RGS7: variants seen among roughly 807,000 people sequenced by gnomAD.
The protein encoded by RGS7 is regulator of G protein signaling 7.
A neutral mutation model predicts 81.1 loss-of-function variants in RGS7; 27 were observed. The ratio of observed to expected loss-of-function variants is 0.33; its 90% CI spans 0.25 to 0.46. The LOEUF is 0.46. Among genes scored for constraint, RGS7 ranks in the 20% least tolerant of loss-of-function variants. RGS7 has a pLI of 1.00. For synonymous variants in RGS7, 208 were observed against 207.7 expected, an observed-to-expected ratio of 1.00 and a Z score of -0.01; for missense variants, 396 against 607.4, an observed-to-expected ratio of 0.65 and a Z score of 3.66.
At chr1:240,811,257 A>G (rs1558288430) in intron 14 of RGS7, among the ~76,000 whole-genome samples, 1 of 152,264 alleles carries the variant, frequency 6.6e-6, no homozygotes, top group South Asian at 2.1e-4. Context: ...CAATGATGTT[A>G]AATAGAGCTA....
intron 18 of RGS7, among the ~76,000 whole-genome samples, chr1:240,791,790 C>T (rs1464467780): frequency 6.6e-6 from 1 of 152,180 alleles, no homozygotes; most frequent in Admixed American, 6.5e-5. Context: ...TAAACCCAAA[C>T]TTTACATCAA....
chr1:241,281,181 CCACA>C lies in RGS7; in HGVS notation c.78+74514_78+74517del, dbSNP rs1305236578. Among the ~76,000 whole-genome samples the C allele has an allele frequency of 7.9e-5, 12 of 152,134 alleles. No homozygotes were observed. The East Asian group carries it at 2.1e-3, about 27-fold the overall frequency. ...AAAGTTGAAATTTATCAAAATTTGC[CCACA>C]CAAACACTTACAGATGGTACGTGGC... On this transcript the variant is annotated intron_variant, in intron 2 of 18. Coordinates refer to ENST00000440928, the MANE Select transcript of RGS7 (RefSeq NM_001364886.1).
At chr1:240,995,804 T>C (rs1687198012) in intron 3 of RGS7, among the ~76,000 whole-genome samples, 1 of 151,984 alleles carries the variant, frequency 6.6e-6, no homozygotes, top group African/African-American at 2.4e-5. Flanking sequence ...ATTTGAATGT[T>C]TTCAATTCCA....
intron 6 of RGS7, among the ~76,000 whole-genome samples, chr1:240,926,790 C>A (rs1295959461): frequency 6.6e-6 from 1 of 152,152 alleles, no homozygotes. Context: ...TGTACTTGCA[C>A]ACAAAATACC....
At chr1:241,016,344 C>T (rs986105039) in intron 3 of RGS7, among the ~76,000 whole-genome samples, 16 of 151,928 alleles carry the variant, frequency 1.1e-4, no homozygotes, top group Non-Finnish European at 2.4e-4. Flanking sequence ...ATCGTGAGAC[C>T]CTGTCTCTAC....
At chr1:241,338,693 TAA>T (rs2082372467) in intron 2 of RGS7, among the ~76,000 whole-genome samples, 1 of 146,398 alleles carries the variant, frequency 6.8e-6, no homozygotes. Flanking sequence ...GAAGTTGTTA[TAA>T]GAGATAATAT....
intron 10 of RGS7, among the ~76,000 whole-genome samples, chr1:240,826,045 CT>C (rs1692751665): frequency 1.3e-5 from 2 of 152,118 alleles, no homozygotes; most frequent in Non-Finnish European, 2.9e-5. Flanking sequence ...AAAAATAGTT[CT>C]TGGTGCCCTC....
intron 2 of RGS7, among the ~76,000 whole-genome samples, chr1:241,146,038 C>A (rs2068287789): frequency 6.6e-6 from 1 of 151,988 alleles, no homozygotes; most frequent in South Asian, 2.1e-4. Flanking sequence ...TGGCTGAAGG[C>A]AAAGTGAAGA....
At chr1:241,184,242 C>T (rs1460223068) in intron 2 of RGS7, among the ~76,000 whole-genome samples, 1 of 152,100 alleles carries the variant, frequency 6.6e-6, no homozygotes, top group African/African-American at 2.4e-5. Flanking sequence ...CATGACTCCA[C>T]AATTATTCAT....
chr1:241,192,365 T>C (rs1052102555), intron 2 of RGS7, among the ~76,000 whole-genome samples: 4 of 152,084 alleles, frequency 2.6e-5, no homozygotes, highest in Non-Finnish European at 4.4e-5. Flanking sequence ...TCTAGTTCTT[T>C]AGCATTAAGA....
chr1:240,977,281 A>C (rs781269741), intron 4 of RGS7, among the ~76,000 whole-genome samples: 19 of 152,144 alleles, frequency 1.2e-4, no homozygotes, highest in Non-Finnish European at 2.2e-4. Flanking sequence ...TTTCCTCCCT[A>C]TGAAATCAAA....
chr1:241,248,470 C>A (rs1206984549), intron 2 of RGS7, among the ~76,000 whole-genome samples: 1 of 150,440 alleles, frequency 6.6e-6, no homozygotes, highest in African/African-American at 2.4e-5. Context: ...TGGTCGTTTA[C>A]ATTTAATGTA....
At chr1:241,147,206 G>C (rs965192591) in intron 2 of RGS7, among the ~76,000 whole-genome samples, 1 of 152,140 alleles carries the variant, frequency 6.6e-6, no homozygotes, top group African/African-American at 2.4e-5. Flanking sequence ...TGACTACTCA[G>C]AGAAAGGTGC....
At chr1:241,288,021 C>G (rs749670095) in intron 2 of RGS7, among the ~76,000 whole-genome samples, 6 of 152,284 alleles carry the variant, frequency 3.9e-5, no homozygotes, top group East Asian at 3.9e-4. Flanking sequence ...GGGGATCAGA[C>G]AGAAGATTCT....
intron 2 of RGS7, among the ~76,000 whole-genome samples, chr1:241,168,045 T>C (rs1474997235): frequency 1.3e-5 from 2 of 152,232 alleles, no homozygotes. Context: ...AATGAACTTA[T>C]CTTAACCAAT....
At chr1:240,947,294 C>A (rs536302987) in intron 4 of RGS7, among the ~76,000 whole-genome samples, 1 of 152,160 alleles carries the variant, frequency 6.6e-6, no homozygotes, top group Non-Finnish European at 1.5e-5. Context: ...TCTTAGAACA[C>A]GTATCTTCAG....
intron 18 of RGS7, among the ~76,000 whole-genome samples, chr1:240,778,482 T>A (rs774816138): frequency 1.8e-4 from 28 of 152,170 alleles, no homozygotes; most frequent in Non-Finnish European, 2.9e-4. Flanking sequence ...GGAAAAAGGG[T>A]CCACAACTTA....
chr1:240,784,768 G>C (rs995431479), intron 18 of RGS7, among the ~76,000 whole-genome samples: 1 of 151,444 alleles, frequency 6.6e-6, no homozygotes, highest in African/African-American at 2.4e-5. Context: ...TGTTGCTGTA[G>C]ACTGGGATGG....
intron 2 of RGS7, among the ~76,000 whole-genome samples, chr1:241,255,394 G>C (rs543785048): frequency 6.6e-6 from 1 of 152,266 alleles, no homozygotes; most frequent in South Asian, 2.1e-4. Flanking sequence ...GATACCCATG[G>C]CTTTTACACA....
Sources: allele counts gnomAD v4.1 joint callset (sites outside exome capture counted in the v4.1 genomes callset), GRCh38; gene constraint gnomAD v4.1.1; transcripts MANE v1.5; gene names NCBI Gene and HGNC (gene_info 2026-07-23, HGNC 2026-07-21).